The following PRR16 variants were observed in gnomAD, a reference collection of about 807,000 sequenced individuals.
The protein encoded by PRR16 is protein Largen.
Under a neutral mutation model 18.2 loss-of-function variants are expected in PRR16, and 6 were observed. The observed-to-expected ratio is 0.33, with a 90% CI of 0.18 to 0.65. The LOEUF is 0.65. PRR16 is among the 30% of genes least tolerant of loss of function. The pLI, the probability that PRR16 is intolerant of heterozygous loss-of-function variation, is 0.74. For missense variants in PRR16, 412 were observed against 376.6 expected (o/e 1.09, Z -0.78); for synonymous variants, 151 against 147.8 (o/e 1.02, Z -0.16).
the PRR16 span, among the ~76,000 whole-genome samples, chr5:120,775,755 C>A: frequency 6.6e-6 from 1 of 150,776 alleles, no homozygotes; most frequent in Non-Finnish European, 1.5e-5. Context: ...CTCAGCCTCC[C>A]GAGTAGCTGG....
chr5:120,715,890 C>T, the PRR16 span, among the ~76,000 whole-genome samples: 15 of 152,058 alleles, frequency 9.9e-5, no homozygotes, highest in East Asian at 1.9e-4. Flanking sequence ...ATAGAGTAGC[C>T]GTTGAAGCGC....
the PRR16 span, among the ~76,000 whole-genome samples, chr5:120,780,298 C>T: frequency 1.3e-5 from 2 of 152,094 alleles, no homozygotes; most frequent in Non-Finnish European, 2.9e-5. Flanking sequence ...TAGAATTGCA[C>T]ATAAAATAAA....
the PRR16 span, among the ~76,000 whole-genome samples, chr5:120,770,334 C>A: frequency 6.6e-6 from 1 of 151,952 alleles, no homozygotes; most frequent in Non-Finnish European, 1.5e-5. Context: ...ATATTAGTCT[C>A]TTCCACAAAT....
intron 1 of PRR16, among the ~76,000 whole-genome samples, chr5:120,502,986 T>C (rs1750515640): frequency 6.6e-6 from 1 of 152,146 alleles, no homozygotes; most frequent in African/African-American, 2.4e-5. Flanking sequence ...TAAAAAAAGA[T>C]TTTTTTCTGT....
At chr5:120,639,209 A>G (rs2112853609) in intron 1 of PRR16, among the ~76,000 whole-genome samples, 1 of 152,110 alleles carries the variant, frequency 6.6e-6, no homozygotes, top group African/African-American at 2.4e-5. Flanking sequence ...GTTTTAATTT[A>G]TTTTTATTGT....
the PRR16 span, among the ~76,000 whole-genome samples, chr5:120,737,256 T>C: frequency 6.7e-6 from 1 of 150,110 alleles, no homozygotes; most frequent in Non-Finnish European, 1.5e-5. Flanking sequence ...GGCTTTTACA[T>C]ATATGGCTTT....
rs115790617 is a variant in PRR16, at chr5:120,684,797, T to A, written c.160-1157T>A. Among the ~76,000 whole-genome samples, 596 of 152,246 alleles carry A rather than the reference T, an allele frequency of 3.9e-3. 5 individuals are homozygous for A. Among genetic ancestry groups the A allele is most frequent in the African/African-American group, 0.013 (557 of 41,558 alleles). ...AGACTCCCCAGTATCCTTGCCAAAG[T>A]CTCCTTAGAACTGCATTGTCTAAGA... On this transcript the variant is annotated intron_variant, in intron 1 of 1. Transcript: ENST00000407149.
the PRR16 span, among the ~76,000 whole-genome samples, chr5:120,788,284 TAAAC>T: frequency 1.3e-5 from 2 of 152,136 alleles, no homozygotes; most frequent in South Asian, 4.1e-4. Flanking sequence ...TCAATATTTT[TAAAC>T]AAATAATAGA....
At chr5:120,641,136 A>C (rs2112856918) in intron 1 of PRR16, among the ~76,000 whole-genome samples, 1 of 152,324 alleles carries the variant, frequency 6.6e-6, no homozygotes, top group East Asian at 1.9e-4. Context: ...CGTCTAGCTT[A>C]AAATTGTGCT....
At chr5:120,747,506 A>G in the PRR16 span, among the ~76,000 whole-genome samples, 7 of 152,276 alleles carry the variant, frequency 4.6e-5, no homozygotes, top group South Asian at 8.3e-4. Context: ...AATCATATCA[A>G]TGATTCTCAA....
At chr5:120,609,762 G>A (rs1754275795) in intron 1 of PRR16, among the ~76,000 whole-genome samples, 1 of 152,134 alleles carries the variant, frequency 6.6e-6, no homozygotes, top group Non-Finnish European at 1.5e-5. Flanking sequence ...TTACTGTCTG[G>A]AAATTGTTAC....
the PRR16 span, among the ~76,000 whole-genome samples, chr5:120,750,404 A>G: frequency 5.2e-4 from 79 of 152,126 alleles, no homozygotes; most frequent in South Asian, 9.5e-3. Flanking sequence ...CACACCTGTA[A>G]TCCCAGCACT....
chr5:120,563,715 A>G (rs1752647881), intron 1 of PRR16, among the ~76,000 whole-genome samples: 1 of 152,152 alleles, frequency 6.6e-6, no homozygotes, highest in South Asian at 2.1e-4. Context: ...ATGCCTGCCT[A>G]TTGCTCTACC....
intron 1 of PRR16, among the ~76,000 whole-genome samples, chr5:120,600,409 G>A (rs1486456140): frequency 6.6e-6 from 1 of 151,730 alleles, no homozygotes; most frequent in Non-Finnish European, 1.5e-5. Context: ...CTCCAACAAC[G>A]CATAATGATA....
At chr5:120,713,683 C>A in the PRR16 span, among the ~76,000 whole-genome samples, 1 of 152,042 alleles carries the variant, frequency 6.6e-6, no homozygotes, top group African/African-American at 2.4e-5. Context: ...AGAACCAGGG[C>A]CTTTCGCTCA....
intron 1 of PRR16, among the ~76,000 whole-genome samples, chr5:120,593,009 A>G (rs1169034636): frequency 1.3e-5 from 2 of 152,122 alleles, no homozygotes; most frequent in Non-Finnish European, 2.9e-5. Context: ...GGTCACAGCT[A>G]AGGCAGTGTT....
At chr5:120,518,956 T>C (rs1302949958) in intron 1 of PRR16, among the ~76,000 whole-genome samples, 1 of 152,176 alleles carries the variant, frequency 6.6e-6, no homozygotes, top group Non-Finnish European at 1.5e-5. Flanking sequence ...TTATCTTGTT[T>C]AAGATACTGT....
chr5:120,632,575 G>A (rs964676904), intron 1 of PRR16, among the ~76,000 whole-genome samples: 11 of 151,856 alleles, frequency 7.2e-5, no homozygotes, highest in South Asian at 2.1e-4. Flanking sequence ...TTAGAAAAAC[G>A]CAAAATGCAC....
chr5:120,569,012 C>T (rs1042672327), intron 1 of PRR16, among the ~76,000 whole-genome samples: 1 of 151,746 alleles, frequency 6.6e-6, no homozygotes, highest in Non-Finnish European at 1.5e-5. Flanking sequence ...CTAATGTGAC[C>T]CTAGGGTCAC....
Sources: allele counts gnomAD v4.1 joint callset (sites outside exome capture counted in the v4.1 genomes callset), GRCh38; gene constraint gnomAD v4.1.1; transcripts MANE v1.5; gene names NCBI Gene and HGNC (gene_info 2026-07-23, HGNC 2026-07-21).